The following CAPG variants were observed in gnomAD, a reference collection of about 807,000 sequenced individuals.
CAPG encodes the protein macrophage-capping protein.
A neutral mutation model predicts 44.6 loss-of-function variants in CAPG; 32 were observed. That is an observed-to-expected ratio of 0.72 (90% CI 0.54 to 0.96). CAPG has a LOEUF of 0.96. Among genes scored for constraint, CAPG ranks in the 50% least tolerant of loss-of-function variants. The pLI, the probability that CAPG is intolerant of heterozygous loss-of-function variation, is 0.00. For missense variants in CAPG, 412 were observed against 438.3 expected, an observed-to-expected ratio of 0.94 and a Z score of 0.54; for synonymous variants, 175 against 179.6, an observed-to-expected ratio of 0.97 and a Z score of 0.20.
At chr2:85,403,654 C>T (rs1487383143) in intron 1 of CAPG, among the ~76,000 whole-genome samples, 1 of 151,966 alleles carries the variant, frequency 6.6e-6, no homozygotes, top group African/African-American at 2.4e-5. Context: ...TTTGGGAGGC[C>T]AAGGTGGGTG....
intron 1 of CAPG, among the ~76,000 whole-genome samples, chr2:85,406,710 T>C (rs1309142561): frequency 6.6e-6 from 1 of 151,364 alleles, no homozygotes; most frequent in Non-Finnish European, 1.5e-5. Context: ...AATACAAAAT[T>C]AGCTGGGCTT....
rs139719975 is a variant in CAPG at position 85,401,265 on chromosome 2, A to G, written c.416T>C (p.Leu139Pro). The G allele has an allele frequency of 1.9e-6, 3 of 1,613,946 alleles. No individual in the cohort carries two copies. The African/African-American group carries it at 4.0e-5, about 22-fold the overall frequency. Residue 139 changes from leucine to proline, a missense_variant, in exon 5 of 10, where the codon CTC becomes CCC. By Grantham distance (98) the Leu-to-Pro change is moderately conservative. Transcript: ENST00000263867. ...GTTCTTCTTCCCCTTCACCTGGTAG[A>G]GTTTCTTGATGGCAGCTGGGGCTCC... The part of the protein sequence containing the change: ...STGAPAAIKK[L>P]YQVKGKKNIR...
rs1198343052 is a variant in CAPG, at chr2:85,395,037, G to T, written c.982-79C>A. 1.0e-6 allele frequency: 1 copy of T among 976,936 alleles called. No homozygotes were observed. Among genetic ancestry groups the T allele is most frequent in the Non-Finnish European group, 1.6e-6 (1 of 610,478 alleles). 60.5% of individuals were successfully genotyped at this position (976,936 alleles called of 1,614,324 possible). ...TGCCCAGGAGGACAGGAGGGGGCCAGAGCCAGGGAGGAGGGTGTGGGCGCC... is the reference window on the plus strand; with the variant it reads ...TGCCCAGGAGGACAGGAGGGGGCCATAGCCAGGGAGGAGGGTGTGGGCGCC... On this transcript the variant is annotated intron_variant, in intron 9 of 9. Transcript: ENST00000263867. This position sits in a 1 kb window ranked among gnomAD's most constrained non-coding sequence, Gnocchi z 4.3.
At chr2:85,394,668 C>T (rs1359898323), downstream of CAPG, 5 of 596,366 alleles carry the variant, frequency 8.4e-6, no homozygotes, top group Admixed American at 2.8e-5. Context: ...GTCCAATTGT[C>T]ATCTGTGTGC....
chr2:85,401,784 C>G lies in CAPG; in HGVS notation c.196+1G>C. On this transcript the variant is annotated splice_donor_variant, in intron 3 of 9. Transcript: ENST00000263867. LOFTEE classifies it high-confidence loss of function. ...ACCTTCCCCCATCCAGATCCCCTTACCTATCCACAGGTGCAGATGGGAAAC... is the reference window on the plus strand; with the variant it reads ...ACCTTCCCCCATCCAGATCCCCTTAGCTATCCACAGGTGCAGATGGGAAAC... The G allele has an allele frequency of 6.2e-7, 1 of 1,613,990 alleles. No homozygotes were observed.
chr2:85,407,059 T>A (rs1687196798), intron 1 of CAPG, among the ~76,000 whole-genome samples: 1 of 151,740 alleles, frequency 6.6e-6, no homozygotes, highest in South Asian at 2.1e-4. Flanking sequence ...GCCTCCTGTG[T>A]AGTGGGATTA....
intron 8 of CAPG, 43 bp downstream of exon 8, chr2:85,397,977 A>G: frequency 2.5e-6 from 4 of 1,598,212 alleles, no homozygotes; most frequent in Non-Finnish European, 3.4e-6. Flanking sequence ...CCCGGGTCAG[A>G]GCAGCTACAG....
At chr2:85,402,233 T>C in intron 1 of CAPG, 75 bp from the exon 2 acceptor site, 1 of 1,204,144 alleles carries the variant, frequency 8.3e-7, no homozygotes, top group South Asian at 1.3e-5. Flanking sequence ...GGAGAGGCCC[T>C]TTCCAGTGGC....
intron 8 of CAPG, among the ~76,000 whole-genome samples, chr2:85,396,173 C>T (rs1014933702): frequency 2.0e-5 from 3 of 152,140 alleles, no homozygotes; most frequent in Non-Finnish European, 4.4e-5. Flanking sequence ...TCAAACTGCT[C>T]ATTCCAGGCT....
chr2:85,403,225 T>G (rs763112690), intron 1 of CAPG, among the ~76,000 whole-genome samples: 1 of 152,230 alleles, frequency 6.6e-6, no homozygotes, highest in African/African-American at 2.4e-5. Flanking sequence ...AAAAACTTTA[T>G]GCCAATATAT....
At chr2:85,413,730 T>A (rs1196234096), upstream of CAPG, 1 of 152,270 alleles carries the variant, frequency 6.6e-6, no homozygotes, top group African/African-American at 2.4e-5. Flanking sequence ...ACAGTGTTCC[T>A]ACCCTTGTGG....
chr2:85,397,044 T>C (rs1686632879), intron 8 of CAPG, among the ~76,000 whole-genome samples: 1 of 152,148 alleles, frequency 6.6e-6, no homozygotes, highest in Non-Finnish European at 1.5e-5. Flanking sequence ...CCAACAGTGT[T>C]TCTATTTCCA....
Position 85,398,687 on chromosome 2 carries a change from CA to C in CAPG, c.759+2del. On this transcript the variant is annotated splice_donor_variant, in intron 7 of 9. Transcript: ENST00000263867. LOFTEE classifies it high-confidence loss of function. ...GGTCCCAGGGCAGGCTTGGGGGGCCCACCTTATACAGAGCTGCGGCCTGGGC... is the reference window on the plus strand; with the variant it reads ...GGTCCCAGGGCAGGCTTGGGGGGCCCCCTTATACAGAGCTGCGGCCTGGGC... 6.3e-7 allele frequency: 1 copy of C among 1,596,282 alleles called. No homozygotes were observed. The highest frequency in any genetic ancestry group is 8.5e-7 in the Non-Finnish European group (1 of 1,171,368).
upstream of CAPG, chr2:85,414,023 G>GCCGCCCC (rs965021321): frequency 4.6e-5 from 7 of 152,384 alleles, no homozygotes; most frequent in African/African-American, 1.2e-4. Context: ...CGCTGTCTCA[G>GCCGCCCC]CCGCCCCCCG....
upstream of CAPG, among the ~76,000 whole-genome samples, chr2:85,413,556 G>A (rs561035089): frequency 4.5e-4 from 69 of 152,180 alleles, 4 homozygotes; most frequent in South Asian, 0.014. Context: ...CTCCAGCCTG[G>A]GCAATAAAAA....
At chr2:85,401,730 C>T (rs1345867215) in intron 3 of CAPG, 47 bp from the exon 4 acceptor site, 20 of 1,613,290 alleles carry the variant, frequency 1.2e-5, no homozygotes, top group Non-Finnish European at 1.6e-5. Context: ...TGATCCATAC[C>T]AGCCCCCTCC....
chr2:85,411,621 G>C (rs1291545755), upstream of CAPG, among the ~76,000 whole-genome samples: 1 of 152,204 alleles, frequency 6.6e-6, no homozygotes, highest in African/African-American at 2.4e-5. Flanking sequence ...AAAGGTATTG[G>C]TCAGCAGGCT....
At chr2:85,413,662 C>T (rs576809152), upstream of CAPG, among the ~76,000 whole-genome samples, 27 of 152,346 alleles carry the variant, frequency 1.8e-4, 1 homozygote, top group African/African-American at 5.8e-4. Context: ...GAACTCAATG[C>T]ACATGCTAAT....
chr2:85,410,022 G>A (rs927148576), intron 1 of CAPG, among the ~76,000 whole-genome samples: 2 of 152,232 alleles, frequency 1.3e-5, no homozygotes, highest in Non-Finnish European at 2.9e-5. Context: ...GCTGGGACAA[G>A]CCCTGACCCA....
Sources: allele counts gnomAD v4.1 joint callset (sites outside exome capture counted in the v4.1 genomes callset), GRCh38; gene constraint gnomAD v4.1.1; non-coding constraint Gnocchi (gnomAD v3.1); transcripts MANE v1.5; gene names NCBI Gene and HGNC (gene_info 2026-07-23, HGNC 2026-07-21).